FHIT: variants seen among roughly 807,000 people sequenced by gnomAD.
FHIT encodes fragile histidine triad diadenosine triphosphatase.
A neutral mutation model predicts 17.9 loss-of-function variants in FHIT; 19 were observed. The ratio of observed to expected loss-of-function variants is 1.06; its 90% confidence interval spans 0.74 to 1.56. The LOEUF is 1.56. Ranked by LOEUF, FHIT falls within the 40% of genes most tolerant of loss-of-function variation. The probability of loss-of-function intolerance (pLI) is 0.00; values close to 1 mark genes in which losing one functional copy is unlikely to be tolerated. For synonymous variants in FHIT, 81 were observed against 69.7 expected (o/e 1.16, Z -0.81); for missense variants, 248 against 189.2 (o/e 1.31, Z -1.82).
chr3:60,745,440 G>A (rs924975198), intron 4 of FHIT, among the ~76,000 whole-genome samples: 1 of 152,182 alleles, frequency 6.6e-6, no homozygotes, highest in African/African-American at 2.4e-5. Flanking sequence ...GACCGTGCAA[G>A]GCCTTGTGGA....
intron 3 of FHIT, among the ~76,000 whole-genome samples, chr3:60,989,119 T>C (rs1418177387): frequency 1.3e-5 from 2 of 152,126 alleles, no homozygotes; most frequent in African/African-American, 4.8e-5. Flanking sequence ...ATGGACAGCA[T>C]ACCCCCATGA....
intron 5 of FHIT, among the ~76,000 whole-genome samples, chr3:60,399,052 T>C (rs571143412): frequency 7.9e-5 from 12 of 152,316 alleles, no homozygotes; most frequent in African/African-American, 2.9e-4. Flanking sequence ...TTGGGCCAGA[T>C]AATCAGTCTC....
At chr3:60,772,847 C>T (rs1350130048) in intron 4 of FHIT, among the ~76,000 whole-genome samples, 2 of 152,120 alleles carry the variant, frequency 1.3e-5, no homozygotes, top group African/African-American at 4.8e-5. Flanking sequence ...TTGGACCCAC[C>T]AACTGATGGT....
At chr3:61,088,017 A>C (rs1297369962) in intron 2 of FHIT, among the ~76,000 whole-genome samples, 3 of 152,166 alleles carry the variant, frequency 2.0e-5, no homozygotes, top group Non-Finnish European at 4.4e-5. Flanking sequence ...TATTTGAATG[A>C]CTAAAATACC....
chr3:60,272,990 A>T (rs1293960248), intron 5 of FHIT, among the ~76,000 whole-genome samples: 3 of 152,226 alleles, frequency 2.0e-5, no homozygotes, highest in African/African-American at 7.2e-5. Flanking sequence ...TCGCCTAGGT[A>T]GCTAACCTGC....
At chr3:60,566,918 C>T (rs2107653878) in intron 4 of FHIT, among the ~76,000 whole-genome samples, 1 of 146,552 alleles carries the variant, frequency 6.8e-6, no homozygotes, top group African/African-American at 2.5e-5. Flanking sequence ...TGAAGGACCT[C>T]TTCAAGGAGA....
At chr3:60,092,479 C>G (rs1368348833) in intron 5 of FHIT, among the ~76,000 whole-genome samples, 1 of 152,174 alleles carries the variant, frequency 6.6e-6, no homozygotes, top group African/African-American at 2.4e-5. Context: ...CATGCTTTTA[C>G]AATGTCTACA....
rs17064521 is a variant in FHIT at position 61,156,394 on chromosome 3, C to T, written c.-164+44223G>A. On this transcript the variant is annotated intron_variant, in intron 2 of 9. Coordinates refer to ENST00000492590, the MANE Select transcript of FHIT (RefSeq NM_002012.4). ...GGAGATGCCAAACTAAGGGAGGCCC[C>T]GGTTATCCATTCTCACAGCACCCTG... Among the ~76,000 whole-genome samples the T allele has an allele frequency of 0.021, 3,143 of 152,050 alleles. 266 individuals carry two copies. The East Asian group carries it at 0.28, about 14-fold the overall frequency.
chr3:61,249,504 C>T (rs1201135915), intron 1 of FHIT, among the ~76,000 whole-genome samples: 3 of 152,144 alleles, frequency 2.0e-5, no homozygotes, highest in Admixed American at 6.5e-5. Flanking sequence ...GGTTGGACTC[C>T]TCCTCAGCTC....
intron 8 of FHIT, among the ~76,000 whole-genome samples, chr3:59,920,951 A>G (rs1452540181): frequency 6.6e-6 from 1 of 152,206 alleles, no homozygotes; most frequent in Non-Finnish European, 1.5e-5. Flanking sequence ...ATTTCCTTAT[A>G]CAATGACTGA....
intron 5 of FHIT, among the ~76,000 whole-genome samples, chr3:60,377,881 G>T (rs1056818693): frequency 2.6e-5 from 4 of 152,112 alleles, no homozygotes; most frequent in Admixed American, 2.0e-4. Context: ...GGGCACAAAG[G>T]AAAACTGAAC....
At chr3:60,408,978 A>G (rs372129959) in intron 5 of FHIT, among the ~76,000 whole-genome samples, 137 of 152,220 alleles carry the variant, frequency 9.0e-4, no homozygotes, top group Middle Eastern at 3.4e-3. Flanking sequence ...TAGGGACTCG[A>G]GTCTGGAGTC....
intron 8 of FHIT, among the ~76,000 whole-genome samples, chr3:59,883,105 G>A (rs548440271): frequency 5.3e-5 from 8 of 152,120 alleles, no homozygotes; most frequent in Non-Finnish European, 1.0e-4. Context: ...AGAGCTGTTT[G>A]TATAATTTTC....
chr3:60,443,649 TTG>T (rs1344890330), intron 5 of FHIT, among the ~76,000 whole-genome samples: 1 of 152,154 alleles, frequency 6.6e-6, no homozygotes, highest in Non-Finnish European at 1.5e-5. Flanking sequence ...GATAAGCTTT[TTG>T]ATGTGCTGCT....
intron 5 of FHIT, among the ~76,000 whole-genome samples, chr3:60,081,886 T>C (rs996990433): frequency 6.7e-6 from 1 of 149,772 alleles, no homozygotes; most frequent in African/African-American, 2.5e-5. Context: ...AAAGAGGAAG[T>C]ACAATAACCA....
chr3:61,193,374 C>A (rs769955795), intron 2 of FHIT, among the ~76,000 whole-genome samples: 1 of 152,130 alleles, frequency 6.6e-6, no homozygotes, highest in South Asian at 2.1e-4. Context: ...AAAATGACTA[C>A]CAAGGCCTTG....
At chr3:60,642,350 T>A (rs984644596) in intron 4 of FHIT, among the ~76,000 whole-genome samples, 1 of 152,246 alleles carries the variant, frequency 6.6e-6, no homozygotes, top group Non-Finnish European at 1.5e-5. Context: ...TTAGAAATGA[T>A]GGCCATTTGG....
chr3:60,960,490 G>A (rs1433663101), intron 3 of FHIT, among the ~76,000 whole-genome samples: 1 of 152,186 alleles, frequency 6.6e-6, no homozygotes, highest in Non-Finnish European at 1.5e-5. Context: ...TGTTACATAT[G>A]TATACATGTG....
At chr3:60,255,985 G>A (rs918407861) in intron 5 of FHIT, among the ~76,000 whole-genome samples, 6 of 152,134 alleles carry the variant, frequency 3.9e-5, no homozygotes, top group Non-Finnish European at 5.9e-5. Flanking sequence ...AAACTGGGTC[G>A]GCTTGCAAGC....
Sources: gnomAD v4.1 joint callset for allele counts (sites outside exome capture counted in the v4.1 genomes callset) on GRCh38, gnomAD v4.1.1 for gene constraint, MANE v1.5 for transcripts, NCBI Gene and HGNC (gene_info 2026-07-23, HGNC 2026-07-21) for gene names.